ATP1A2: variants seen among roughly 807,000 people sequenced by gnomAD.
ATP1A2 encodes ATPase Na+/K+ transporting subunit alpha 2, also known as sodium/potassium-transporting ATPase subunit alpha-2.
A neutral mutation model predicts 113.1 loss-of-function variants in ATP1A2; 56 were observed. The ratio of observed to expected loss-of-function variants is 0.49; its 90% CI spans 0.40 to 0.62. ATP1A2 has a LOEUF of 0.62. ATP1A2 is among the 20% of genes least tolerant of loss of function. ATP1A2 has a pLI of 0.00. For synonymous variants in ATP1A2, 490 were observed against 526.8 expected (o/e 0.93, Z 0.96); for missense variants, 712 against 1,357.8 (o/e 0.52, Z 7.47).
chr1:160,140,594 C>T (rs1216175805), intron 22 of ATP1A2: 1 of 167,334 alleles, frequency 6.0e-6, no homozygotes, highest in African/African-American at 2.4e-5. Flanking sequence ...CTGAATTCGA[C>T]TTCTCCTGAA....
At position 160,120,893 on chromosome 1, in the gene ATP1A2, CT is replaced by C. The variant is rs761080940; in HGVS notation, c.13-11del. The C allele has an allele frequency of 4.1e-5, 3 of 73,498 alleles. No homozygotes were observed. The highest frequency in any genetic ancestry group is 8.7e-5 in the Non-Finnish European group (3 of 34,626). 4.6% of individuals were successfully genotyped at this position (73,498 alleles called of 1,614,324 possible). On this transcript the variant is annotated splice_polypyrimidine_tract_variant and intron_variant, in intron 1 of 22. Transcript: ENST00000361216. The stretch of plus-strand genomic sequence containing the variant: ...CTCTTCCCTGACTCTCTGGCTCTCC[CT>C]TCCTCCCTCAGGCTGGCCGTGAGTA...
In ATP1A2 at chr1:160,129,096, G is replaced by T; in HGVS notation, c.1326+7G>T. 6.2e-7 allele frequency: 1 copy of T among 1,612,168 alleles called. No homozygotes were observed. On this transcript the variant is annotated splice_region_variant and intron_variant, in intron 10 of 22. Coordinates refer to ENST00000361216, the MANE Select transcript of ATP1A2 (RefSeq NM_000702.4). ...GAACATCTCCGTGTCTAAGGTAGGG[G>T]GTCAGGACACACACCAGGTATGTTT...
intron 20 of ATP1A2, among the ~76,000 whole-genome samples, chr1:160,139,350 G>T (rs748275384): frequency 2.7e-4 from 41 of 152,274 alleles, no homozygotes; most frequent in Middle Eastern, 3.4e-3. Flanking sequence ...CAGGCCCCAT[G>T]TTGACCACCG....
At chr1:160,129,168 C>T in intron 10 of ATP1A2, 79 bp downstream of exon 10, 1 of 1,608,372 alleles carries the variant, frequency 6.2e-7, no homozygotes, top group Non-Finnish European at 8.5e-7. Flanking sequence ...TTCCTTCTCA[C>T]ATGATGTGGC....
chr1:160,128,191 A>T (rs1297781240), intron 8 of ATP1A2, among the ~76,000 whole-genome samples: 2 of 152,104 alleles, frequency 1.3e-5, no homozygotes, highest in African/African-American at 4.8e-5. Context: ...GCTGAAACAG[A>T]TACTGCTGTC....
Position 160,136,907 on chromosome 1 carries a change from G to A in ATP1A2, c.2716G>A (p.Glu906Lys). 1 of 1,614,198 alleles carries A rather than the reference G, an allele frequency of 6.2e-7. No individual in the cohort carries two copies. Among genetic ancestry groups the A allele is most frequent in the Non-Finnish European group, 8.5e-7 (1 of 1,180,044 alleles). ...CTGCCCACCCTCCCTCCAGACCTAT[G>A]AGCAGCGGAAGGTGGTGGAGTTCAC... ...EDSYGQEWTY[E>K]QRKVVEFTCH... Residue 906 changes from glutamate (E) to lysine (K), a missense_variant, in exon 20 of 23, where the codon GAG (glutamate) becomes AAG (lysine). Glu to Lys is a moderately conservative substitution (Grantham distance 56). Around this residue, in one of 6 missense-constraint regions of ATP1A2, gnomAD observed 188 missense variants for 438.9 expected, o/e 0.43. Transcript: ENST00000361216.
chr1:160,121,332 G>A (rs1451462805), intron 3 of ATP1A2, 81 bp downstream of exon 3: 3 of 1,511,694 alleles, frequency 2.0e-6, no homozygotes, highest in Non-Finnish European at 2.8e-6. Context: ...CCTTAAAACT[G>A]TAATCCAGCC....
chr1:160,122,103 G>C (rs9661277), intron 3 of ATP1A2, among the ~76,000 whole-genome samples: 2,303 of 152,308 alleles, frequency 0.015, 62 homozygotes, highest in African/African-American at 0.053. Context: ...CTGTACTCCA[G>C]ACTGGGCGAT....
chr1:160,137,475 C>T (rs1651993632), intron 20 of ATP1A2, among the ~76,000 whole-genome samples: 1 of 152,232 alleles, frequency 6.6e-6, no homozygotes, highest in Non-Finnish European at 1.5e-5. Context: ...GTGCCAGGCA[C>T]TGTGCTAAGT....
rs1651383665 is a variant in ATP1A2, at chr1:160,121,183, C to T, written c.118-9C>T. On this transcript the variant is annotated splice_polypyrimidine_tract_variant and intron_variant, in intron 2 of 22. Transcript: ENST00000361216. ...TCCTCCCCAAAGTAACTCACCCTCC[C>T]TTCCCCAGGATGACCACAAGCTGTC... 6.2e-7 allele frequency: 1 copy of T among 1,614,204 alleles called. No homozygotes were observed. The highest frequency in any genetic ancestry group is 1.3e-5 in the African/African-American group (1 of 75,058).
Position 160,136,998 on chromosome 1 carries a change from C to T in ATP1A2, c.2807C>T (p.Thr936Ile). Residue 936 changes from threonine to isoleucine, a missense_variant, in exon 20 of 23, where the codon ACC becomes ATC. By Grantham distance (89) the Thr-to-Ile change is moderately conservative (BLOSUM62 -1). This residue lies in a region of ATP1A2 where 188 missense variants were observed against 438.9 expected (regional missense o/e 0.43). Coordinates refer to ENST00000361216, the MANE Select transcript of ATP1A2 (RefSeq NM_000702.4). ...VQWADLIICK[T>I]RRNSVFQQGM... ...TGGGCTGACCTCATCATCTGCAAGA[C>T]CCGCCGCAACTCAGTCTTCCAGCAG... 6.2e-7 allele frequency: 1 copy of T among 1,614,170 alleles called. No homozygotes were observed. The highest frequency in any genetic ancestry group is 1.1e-5 in the South Asian group (1 of 91,088).
At chr1:160,120,037 C>T (rs986419670) in intron 1 of ATP1A2, among the ~76,000 whole-genome samples, 20 of 151,548 alleles carry the variant, frequency 1.3e-4, no homozygotes, top group African/African-American at 4.1e-4. Context: ...AAAAAAAAGG[C>T]CATCTGATTC....
At chr1:160,130,355 G>C in intron 12 of ATP1A2, 64 bp downstream of exon 12, 3 of 1,614,084 alleles carry the variant, frequency 1.9e-6, no homozygotes, top group African/African-American at 1.3e-5. Context: ...TCCCTGGGGT[G>C]GGGGACTGTG....
chr1:160,126,627 C>A (rs1200884265), intron 7 of ATP1A2, among the ~76,000 whole-genome samples: 1 of 151,998 alleles, frequency 6.6e-6, no homozygotes, highest in Non-Finnish European at 1.5e-5. Flanking sequence ...TGATACCACA[C>A]CCAGCTAATA....
chr1:160,130,961 G>C (rs1006428706), intron 13 of ATP1A2, among the ~76,000 whole-genome samples: 1 of 152,122 alleles, frequency 6.6e-6, no homozygotes, highest in Non-Finnish European at 1.5e-5. Flanking sequence ...CTTAGGATGG[G>C]ATTAGCAGGC....
intron 22 of ATP1A2, chr1:160,140,846 C>CCTTTTTTTTTTTTTTTTTTTTTT (rs1652123649): frequency 1.2e-5 from 1 of 86,904 alleles, no homozygotes; most frequent in African/African-American, 5.5e-5. Context: ...CTTTCACCTT[C>CCTTTTTTTTTTTTTTTTTTTTTT]TTTTTTTTTT....
Position 160,125,147 on chromosome 1 carries a change from A to T in ATP1A2, c.642A>T (p.Ser214=), listed in dbSNP as rs1651545130. 1 of 1,614,050 alleles carries T rather than the reference A, an allele frequency of 6.2e-7. No homozygotes were observed. Among genetic ancestry groups the T allele is most frequent in the African/African-American group, 1.3e-5 (1 of 75,002 alleles). Residue 214 remains serine (S), a synonymous_variant, in exon 7 of 23, where the codon TCA becomes TCT. Coordinates refer to ENST00000361216, the MANE Select transcript of ATP1A2 (RefSeq NM_000702.4). The part of the protein sequence containing the change: ...ISSHGCKVDN[S]SLTGESEPQT... Reference sequence around the variant, plus strand: ...TCCTTCCTCCTCAGGTGGATAACTCATCCTTAACAGGAGAGTCGGAGCCCC... The same window carrying T: ...TCCTTCCTCCTCAGGTGGATAACTCTTCCTTAACAGGAGAGTCGGAGCCCC...
At position 160,135,598 on chromosome 1, in the gene ATP1A2, G is replaced by T. The variant is rs916068745; in HGVS notation, c.2280G>T (p.Glu760Asp). ...TTGCCTCCATCGTCACGGGGGTGGAGGAGGGTGAGGAGGCTGCATGGGTTG... is the reference window on the plus strand; with the variant it reads ...TTGCCTCCATCGTCACGGGGGTGGATGAGGGTGAGGAGGCTGCATGGGTTG... The part of the protein sequence containing the change: ...DNFASIVTGV[E>D]EGRLIFDNLK... Residue 760 changes from glutamate (E) to aspartate (D), a missense_variant, in exon 16 of 23, where the codon GAG becomes GAT. This residue lies in a region of ATP1A2 where 188 missense variants were observed against 438.9 expected (regional missense o/e 0.43). Transcript: ENST00000361216. The surrounding 1 kb of genome is among the most constrained non-coding windows in gnomAD (Gnocchi z 6.3). 6.2e-7 allele frequency: 1 copy of T among 1,613,582 alleles called. No homozygotes were observed. Among genetic ancestry groups the T allele is most frequent in the African/African-American group, 1.3e-5 (1 of 74,912 alleles).
At chr1:160,115,941 T>C (rs1651162816) in intron 1 of ATP1A2, 68 bp downstream of exon 1, 2 of 1,570,894 alleles carry the variant, frequency 1.3e-6, no homozygotes, top group African/African-American at 2.7e-5. Context: ...AAGGATGAAG[T>C]GGGAATGGGA....
Sources: allele counts gnomAD v4.1 joint callset (sites outside exome capture counted in the v4.1 genomes callset), GRCh38; gene constraint gnomAD v4.1.1; regional missense constraint gnomAD v4.1.1; non-coding constraint Gnocchi (gnomAD v3.1); transcripts MANE v1.5; gene names NCBI Gene and HGNC (gene_info 2026-07-23, HGNC 2026-07-21).